Variants in TXNRD1 observed in about 807,000 individuals in gnomAD.
TXNRD1 encodes the protein thioredoxin reductase 1, cytoplasmic.
TXNRD1 carries 57 observed loss-of-function variants against 80.3 expected under a neutral mutation model. The observed-to-expected ratio is 0.71, with a 90% confidence interval of 0.57 to 0.89. TXNRD1 has a LOEUF of 0.89. Ranked by LOEUF, TXNRD1 falls within the 40% of genes least tolerant of loss-of-function variation. The pLI is 0.00. For missense variants in TXNRD1, 730 were observed against 803.0 expected, an observed-to-expected ratio of 0.91 and a Z score of 1.10; for synonymous variants, 291 against 285.2, an observed-to-expected ratio of 1.02 and a Z score of -0.20.
intron 1 of TXNRD1, among the ~76,000 whole-genome samples, chr12:104,241,286 G>A (rs1339000697): frequency 2.6e-5 from 4 of 152,112 alleles, no homozygotes; most frequent in African/African-American, 7.2e-5. Flanking sequence ...TGATCCGCCC[G>A]CCTCAGCATC....
intron 4 of TXNRD1, among the ~76,000 whole-genome samples, chr12:104,290,723 A>ATC (rs2034162138): frequency 2.4e-5 from 1 of 42,418 alleles, no homozygotes; most frequent in African/African-American, 1.2e-4. Flanking sequence ...AAATATACAT[A>ATC]TATATATATA....
chr12:104,332,749 CAAAAAAAAAAAA>C (rs34106883), intron 14 of TXNRD1, among the ~76,000 whole-genome samples: 1 of 76,732 alleles, frequency 1.3e-5, no homozygotes. Flanking sequence ...AACTCCGTCT[CAAAAAAAAAAAA>C]AAAAAAAAAA....
intron 4 of TXNRD1, chr12:104,304,535 A>T: frequency 6.2e-7 from 1 of 1,614,050 alleles, no homozygotes; most frequent in African/African-American, 1.3e-5. Flanking sequence ...AAATGGCAAC[A>T]TGCCTACAAA....
chr12:104,231,550 C>T (rs772862203), intron 1 of TXNRD1, among the ~76,000 whole-genome samples: 2 of 152,180 alleles, frequency 1.3e-5, no homozygotes, highest in African/African-American at 2.4e-5. Context: ...TGTAGCCACC[C>T]GGGGCTGAAG....
intron 16 of TXNRD1, among the ~76,000 whole-genome samples, chr12:104,347,283 G>A (rs1425491739): frequency 6.6e-6 from 1 of 151,926 alleles, no homozygotes; most frequent in African/African-American, 2.4e-5. Context: ...TTTTTGAGAA[G>A]TAAAGGCTTT....
chr12:104,283,819 G>A (rs962755643), intron 3 of TXNRD1, among the ~76,000 whole-genome samples: 6 of 152,064 alleles, frequency 3.9e-5, no homozygotes, highest in Non-Finnish European at 5.9e-5. Flanking sequence ...GCGGTGAGCC[G>A]AGATAGTGCC....
chr12:104,271,737 A>G (rs1416929172), intron 3 of TXNRD1, among the ~76,000 whole-genome samples: 3 of 152,096 alleles, frequency 2.0e-5, no homozygotes, highest in Non-Finnish European at 4.4e-5. Flanking sequence ...ATCTGGATGT[A>G]TACGTGCAGG....
chr12:104,327,648 C>T lies in TXNRD1; in HGVS notation c.1519C>T (p.Leu507Phe). 3 of 1,613,520 alleles carry T rather than the reference C, an allele frequency of 1.9e-6. No individual in the cohort carries two copies. Among genetic ancestry groups the T allele is most frequent in the Non-Finnish European group, 2.5e-6 (3 of 1,179,828 alleles). The change falls in exon 13 of 17, where the codon CTC becomes TTC. Residue 507 changes from leucine (L) to phenylalanine (F), a missense_variant. By Grantham distance (22) the Leu-to-Phe change is conservative. Coordinates refer to ENST00000525566, the MANE Select transcript of TXNRD1 (RefSeq NM_001093771.3). ...GGCAGGAAGATTGCTGGCTCAGAGG[C>T]TCTATGCAGGTTCCACTGTCAAGGT... The part of the protein sequence containing the change: ...IQAGRLLAQR[L>F]YAGSTVKCDY...
intron 1 of TXNRD1, among the ~76,000 whole-genome samples, chr12:104,243,316 C>T (rs1423609033): frequency 6.6e-6 from 1 of 152,094 alleles, no homozygotes; most frequent in Non-Finnish European, 1.5e-5. Context: ...ATTTTTCCAG[C>T]TTGTCTCATA....
intron 12 of TXNRD1, among the ~76,000 whole-genome samples, chr12:104,326,907 G>A (rs575770031): frequency 6.6e-6 from 1 of 152,078 alleles, no homozygotes; most frequent in Non-Finnish European, 1.5e-5. Context: ...GCAATCTCAT[G>A]TCACTGCCAC....
chr12:104,328,278 A>C (rs1010195442), intron 13 of TXNRD1, among the ~76,000 whole-genome samples: 2 of 152,072 alleles, frequency 1.3e-5, no homozygotes, highest in Non-Finnish European at 2.9e-5. Context: ...TGTACTTTAT[A>C]TCCATATACT....
chr12:104,324,355 T>G (rs1483997437), intron 10 of TXNRD1, among the ~76,000 whole-genome samples: 2 of 139,322 alleles, frequency 1.4e-5, no homozygotes, highest in East Asian at 4.3e-4. Flanking sequence ...TGGGTTTCGT[T>G]TTTTTTTTTT....
At chr12:104,339,301 A>AAATGTTTAT (rs1394789410) in intron 16 of TXNRD1, 28 bp downstream of exon 16, 12 of 1,612,782 alleles carry the variant, frequency 7.4e-6, no homozygotes, top group Admixed American at 1.7e-5. Flanking sequence ...ATACAGTTTA[A>AAATGTTTAT]AATGTTTAAA....
At chr12:104,335,478 G>A (rs996452908) in intron 15 of TXNRD1, among the ~76,000 whole-genome samples, 4 of 152,156 alleles carry the variant, frequency 2.6e-5, no homozygotes, top group African/African-American at 9.7e-5. Context: ...GGGATTACAG[G>A]TGTGAGCCAC....
intron 1 of TXNRD1, among the ~76,000 whole-genome samples, chr12:104,237,073 A>C (rs2032756013): frequency 6.6e-6 from 1 of 151,994 alleles, no homozygotes; most frequent in East Asian, 1.9e-4. Flanking sequence ...AATCAAAAAA[A>C]CCTCTGTTTT....
chr12:104,299,061 C>T (rs1381174868), intron 4 of TXNRD1, among the ~76,000 whole-genome samples: 1 of 152,188 alleles, frequency 6.6e-6, no homozygotes, highest in Non-Finnish European at 1.5e-5. Context: ...TCTCTGTATT[C>T]ACCGGATGTG....
chr12:104,344,133 T>A (rs2036416103), intron 16 of TXNRD1, among the ~76,000 whole-genome samples: 1 of 152,150 alleles, frequency 6.6e-6, no homozygotes, highest in Admixed American at 6.5e-5. Flanking sequence ...AGGGAATATC[T>A]AACTGTAGGG....
At chr12:104,277,269 G>A (rs552280470) in intron 3 of TXNRD1, among the ~76,000 whole-genome samples, 5 of 151,594 alleles carry the variant, frequency 3.3e-5, no homozygotes, top group Admixed American at 1.3e-4. Flanking sequence ...GTGTGGTGGC[G>A]GGCGCCTATA....
chr12:104,309,834 C>T, intron 4 of TXNRD1: 1 of 1,535,226 alleles, frequency 6.5e-7, no homozygotes, highest in South Asian at 1.2e-5. Context: ...GCCTCTTGTG[C>T]TAGACCTTTT....
Sources: allele counts gnomAD v4.1 joint callset (sites outside exome capture counted in the v4.1 genomes callset), GRCh38; gene constraint gnomAD v4.1.1; transcripts MANE v1.5; gene names NCBI Gene and HGNC (gene_info 2026-07-23, HGNC 2026-07-21).